Variants in TXNRD1 observed in about 807,000 individuals in gnomAD.
The protein encoded by TXNRD1 is thioredoxin reductase 1.
Under a neutral mutation model 80.3 loss-of-function variants are expected in TXNRD1, and 57 were observed. That is an observed-to-expected ratio of 0.71 (90% CI 0.57 to 0.89). TXNRD1 has a LOEUF of 0.89. Ranked by LOEUF, TXNRD1 falls within the 40% of genes least tolerant of loss-of-function variation. The probability of loss-of-function intolerance (pLI) is 0.00; values close to 1 mark genes in which losing one functional copy is unlikely to be tolerated. For synonymous variants in TXNRD1, 291 were observed against 285.2 expected (o/e 1.02, Z -0.20); for missense variants, 730 against 803.0 (o/e 0.91, Z 1.10).
chr12:104,226,574 G>T (rs1472844107), intron 1 of TXNRD1, among the ~76,000 whole-genome samples: 1 of 152,214 alleles, frequency 6.6e-6, no homozygotes, highest in Non-Finnish European at 1.5e-5. Context: ...AGTGGAAAGA[G>T]AATTAGAGTG....
At chr12:104,330,743 C>T (rs1181534735) in intron 13 of TXNRD1, among the ~76,000 whole-genome samples, 4 of 152,006 alleles carry the variant, frequency 2.6e-5, no homozygotes, top group Admixed American at 1.3e-4. Context: ...CCTGCCACCA[C>T]GCCCAGCTAA....
intron 1 of TXNRD1, among the ~76,000 whole-genome samples, chr12:104,247,876 A>T (rs1284218429): frequency 6.6e-6 from 1 of 152,186 alleles, no homozygotes; most frequent in Non-Finnish European, 1.5e-5. Context: ...TTATGGAATC[A>T]GGAGGCTTGT....
intron 2 of TXNRD1, among the ~76,000 whole-genome samples, chr12:104,254,842 C>T (rs1271122280): frequency 1.3e-5 from 2 of 151,454 alleles, no homozygotes; most frequent in Non-Finnish European, 2.9e-5. Flanking sequence ...CAGTGGCTCA[C>T]ACCTGTAATC....
chr12:104,314,760 GAGATGGAGTCT>G (rs2035263142), intron 6 of TXNRD1, among the ~76,000 whole-genome samples: 1 of 37,046 alleles, frequency 2.7e-5, no homozygotes, highest in South Asian at 8.1e-4. Flanking sequence ...TTTTTTTTTT[GAGATGGAGTCT>G]CGCTCTGTCG....
chr12:104,293,334 C>A (rs957693841), intron 4 of TXNRD1, among the ~76,000 whole-genome samples: 1 of 152,164 alleles, frequency 6.6e-6, no homozygotes, highest in African/African-American at 2.4e-5. Flanking sequence ...ATAATTTCTT[C>A]AGGGCAATAT....
At chr12:104,272,577 G>A (rs543121506) in intron 3 of TXNRD1, among the ~76,000 whole-genome samples, 20 of 152,224 alleles carry the variant, frequency 1.3e-4, no homozygotes, top group East Asian at 7.7e-4. Flanking sequence ...AGCAGATCAC[G>A]AGGTCAGGAG....
intron 2 of TXNRD1, 52 bp downstream of exon 2, chr12:104,251,730 C>T: frequency 6.3e-7 from 1 of 1,584,592 alleles, no homozygotes; most frequent in East Asian, 2.2e-5. Context: ...ATTTGACAGA[C>T]TTTTGAGCTC....
At chr12:104,267,718 TTTC>T (rs1171788872) in intron 3 of TXNRD1, among the ~76,000 whole-genome samples, 5 of 51,712 alleles carry the variant, frequency 9.7e-5, no homozygotes, top group African/African-American at 2.8e-4. Flanking sequence ...TCTTTCTTTC[TTTC>T]TCTTTCTTTC....
intron 6 of TXNRD1, 78 bp downstream of exon 6, chr12:104,313,395 C>A: frequency 2.6e-6 from 3 of 1,152,122 alleles, no homozygotes; most frequent in Non-Finnish European, 3.7e-6. Context: ...GTTCCTAAAG[C>A]CTAATTAAAA....
rs1156965149 is a variant in TXNRD1, at chr12:104,331,596, T to C, written c.1605T>C (p.Leu535=). ...FTPLEYGACG[L]SEEKAVEKFG... ...CTTTGGAATATGGTGCTTGTGGCCT[T>C]TCTGAGGAGAAAGCTGTGGAGAAGT... is the stretch of plus-strand genomic sequence containing the variant. Residue 535 remains leucine, a synonymous_variant, in exon 14 of 17, where the codon CTT becomes CTC. Transcript: ENST00000525566. The C allele has an allele frequency of 6.2e-7, 1 of 1,612,686 alleles. No homozygotes were observed. Among genetic ancestry groups the C allele is most frequent in the African/African-American group, 1.3e-5 (1 of 74,908 alleles).
chr12:104,247,373 C>T (rs2033018111), intron 1 of TXNRD1, among the ~76,000 whole-genome samples: 1 of 152,048 alleles, frequency 6.6e-6, no homozygotes, highest in East Asian at 1.9e-4. Flanking sequence ...TGGCCCATTA[C>T]AGTTTTATCT....
chr12:104,289,230 C>T, intron 4 of TXNRD1, 190 bp downstream of exon 4: 1 of 522,720 alleles, frequency 1.9e-6, no homozygotes, highest in Non-Finnish European at 3.3e-6. Flanking sequence ...ACAAATTTCA[C>T]ATCTCGGGAA....
At chr12:104,289,192 G>A in intron 4 of TXNRD1, 152 bp downstream of exon 4, 1 of 833,012 alleles carries the variant, frequency 1.2e-6, no homozygotes, top group Non-Finnish European at 1.8e-6. Context: ...GCTAGCGCAT[G>A]TGTTAATCGA....
chr12:104,216,518 C>T (rs993219734), intron 1 of TXNRD1, among the ~76,000 whole-genome samples: 2 of 152,174 alleles, frequency 1.3e-5, no homozygotes, highest in Non-Finnish European at 2.9e-5. Context: ...CGGATAATGC[C>T]AATAATGGCT....
intron 3 of TXNRD1, among the ~76,000 whole-genome samples, chr12:104,278,446 G>A (rs534405616): frequency 1.4e-4 from 21 of 149,642 alleles, no homozygotes; most frequent in African/African-American, 4.7e-4. Flanking sequence ...TGATCCGCCC[G>A]CCTTGGCCTC....
At chr12:104,223,782 G>A (rs2032408778) in intron 1 of TXNRD1, among the ~76,000 whole-genome samples, 1 of 152,212 alleles carries the variant, frequency 6.6e-6, no homozygotes, top group South Asian at 2.1e-4. Flanking sequence ...GTGGGGACTG[G>A]TGAGGAGGGA....
chr12:104,246,271 C>CA (rs552622736), intron 1 of TXNRD1, among the ~76,000 whole-genome samples: 2 of 148,316 alleles, frequency 1.3e-5, no homozygotes, highest in Admixed American at 6.7e-5. Context: ...ACTAAAAATA[C>CA]AAAAAAATTA....
At chr12:104,266,266 GC>G (rs1460757754) in intron 3 of TXNRD1, among the ~76,000 whole-genome samples, 1 of 152,154 alleles carries the variant, frequency 6.6e-6, no homozygotes, top group Admixed American at 6.5e-5. Context: ...GGTGGCTTAC[GC>G]CTGTAATCCC....
intron 3 of TXNRD1, among the ~76,000 whole-genome samples, chr12:104,262,726 GTAGTATAC>G (rs1174806444): frequency 6.6e-6 from 1 of 151,768 alleles, no homozygotes; most frequent in African/African-American, 2.4e-5. Context: ...TGGGAATACA[GTAGTATAC>G]TAGGCAGGTG....
Sources: gnomAD v4.1 joint callset for allele counts (sites outside exome capture counted in the v4.1 genomes callset) on GRCh38, gnomAD v4.1.1 for gene constraint, MANE v1.5 for transcripts, NCBI Gene and HGNC (gene_info 2026-07-23, HGNC 2026-07-21) for gene names.